Variants in DOCK9 observed in about 807,000 individuals in gnomAD.
DOCK9 encodes dedicator of cytokinesis protein 9.
A neutral mutation model predicts 263.3 loss-of-function variants in DOCK9; 89 were observed. The ratio of observed to expected loss-of-function variants is 0.34; its 90% CI spans 0.28 to 0.40. The LOEUF (loss-of-function observed/expected upper bound fraction) is 0.40, where lower values mean the gene tolerates loss of function less well. Ranked by LOEUF, DOCK9 falls within the 10% of genes least tolerant of loss-of-function variation. The pLI, the probability that DOCK9 is intolerant of heterozygous loss-of-function variation, is 1.00. For missense variants in DOCK9, 2,140 were observed against 2,603.4 expected (o/e 0.82, Z 3.87); for synonymous variants, 976 against 973.1 (o/e 1.00, Z -0.06).
Position 98,824,457 on chromosome 13 carries a change from T to C in DOCK9, c.5071A>G (p.Ile1691Val). The change falls in exon 45 of 53, where the codon ATC becomes GTC. Residue 1691 changes from isoleucine (I) to valine (V), a missense_variant. Ile to Val is a conservative substitution (Grantham distance 29). Coordinates refer to ENST00000682017, the MANE Select transcript of DOCK9 (RefSeq NM_001366683.2). ...TCCATCATGGAGGCCTCCTCGTCGATGTTTGGGGTAATGACCCTGAAGGCG... is the reference window on the plus strand; with the variant it reads ...TCCATCATGGAGGCCTCCTCGTCGACGTTTGGGGTAATGACCCTGAAGGCG... ...CTAFRVITPN[I>V]DEEASMMEDV... is the part of the protein sequence containing the mutation. 1 of 1,613,362 alleles carries C rather than the reference T, an allele frequency of 6.2e-7. No individual in the cohort carries two copies. Among genetic ancestry groups the C allele is most frequent in the African/African-American group, 1.3e-5 (1 of 75,004 alleles).
intron 1 of DOCK9, among the ~76,000 whole-genome samples, chr13:98,988,985 G>A (rs1312219977): frequency 6.6e-6 from 1 of 152,154 alleles, no homozygotes; most frequent in Non-Finnish European, 1.5e-5. Context: ...TGTCTTCAGG[G>A]CTGACACACC....
chr13:99,083,257 A>G (rs1187789124), intron 1 of DOCK9, among the ~76,000 whole-genome samples: 2 of 146,254 alleles, frequency 1.4e-5, no homozygotes, highest in East Asian at 2.0e-4. Context: ...TCCATCTCAG[A>G]AAAAAAAAAA....
upstream of DOCK9, chr13:99,086,773 G>GGCGGGCCAGGCAGT (rs2042357372): frequency 6.8e-6 from 1 of 148,010 alleles, no homozygotes; most frequent in Non-Finnish European, 1.5e-5. Context: ...GGCCAGGCAG[G>GGCGGGCCAGGCAGT]TCGGCGCGGC....
chr13:98,937,979 G>A (rs2055172519), intron 2 of DOCK9, among the ~76,000 whole-genome samples: 1 of 152,236 alleles, frequency 6.6e-6, no homozygotes, highest in South Asian at 2.1e-4. Flanking sequence ...AGCAAGTGGA[G>A]GTACCTGTTT....
chr13:99,020,126 G>T (rs1885905371), intron 1 of DOCK9, among the ~76,000 whole-genome samples: 2 of 152,018 alleles, frequency 1.3e-5, no homozygotes, highest in Admixed American at 6.6e-5. Flanking sequence ...ATTTAAGAAT[G>T]AGGGTGGGGA....
intron 1 of DOCK9, among the ~76,000 whole-genome samples, chr13:99,070,526 G>GT (rs1182250626): frequency 6.6e-6 from 1 of 152,116 alleles, no homozygotes; most frequent in Non-Finnish European, 1.5e-5. Flanking sequence ...GGGTTATATG[G>GT]TATTTCTTTA....
At chr13:98,798,551 T>C (rs1418609147) in intron 50 of DOCK9, among the ~76,000 whole-genome samples, 2 of 152,072 alleles carry the variant, frequency 1.3e-5, no homozygotes, top group Non-Finnish European at 2.9e-5. Flanking sequence ...ACTGATCATC[T>C]AAAATGATAC....
intron 35 of DOCK9, among the ~76,000 whole-genome samples, chr13:98,851,512 A>C (rs960243585): frequency 3.9e-5 from 6 of 152,194 alleles, no homozygotes; most frequent in Non-Finnish European, 7.3e-5. Flanking sequence ...GGCCAGCGGC[A>C]TGGGCAATGA....
intron 33 of DOCK9, chr13:98,857,550 C>T (rs1440762032): frequency 6.6e-6 from 1 of 152,282 alleles, no homozygotes; most frequent in Non-Finnish European, 1.5e-5. Context: ...CTCGGCCTCC[C>T]AAAGTGCTGG....
intron 27 of DOCK9, among the ~76,000 whole-genome samples, chr13:98,876,949 A>C (rs1237317829): frequency 6.6e-6 from 1 of 152,260 alleles, no homozygotes; most frequent in Non-Finnish European, 1.5e-5. Context: ...CCACTTAAGC[A>C]CTTAAAAAAC....
intron 2 of DOCK9, among the ~76,000 whole-genome samples, chr13:98,946,956 GCA>G (rs1488476674): frequency 6.6e-6 from 1 of 152,074 alleles, no homozygotes; most frequent in African/African-American, 2.4e-5. Flanking sequence ...CTAAATGAAG[GCA>G]CTAGCCCAGG....
Position 98,814,935 on chromosome 13 carries a change from C to CAAAATAAAATAAAAT in DOCK9, c.5131-4659_5131-4645dup, listed in dbSNP as rs66599481. Among the ~76,000 whole-genome samples the CAAAATAAAATAAAAT allele has an allele frequency of 2.7e-4, 36 of 131,260 alleles. 1 individual carries two copies. The highest frequency in any genetic ancestry group is 1.0e-3 in the African/African-American group (35 of 33,882). The allele number at this position is 131,260 out of a possible 152,430, so 86.1% of individuals were successfully genotyped here. A position where few individuals can be genotyped will look rare whatever the true frequency, so the allele number is the denominator to read the frequency against. ...CCTGGGTGACAGTCAGATTCTGTCT[C>CAAAATAAAATAAAAT]AAAATAAAATAAAATAAAATAAAAT... On this transcript the variant is annotated intron_variant, in intron 45 of 52. Transcript: ENST00000682017.
intron 1 of DOCK9, among the ~76,000 whole-genome samples, chr13:99,067,386 C>T (rs1048117651): frequency 6.6e-6 from 1 of 152,176 alleles, no homozygotes; most frequent in African/African-American, 2.4e-5. Context: ...CTGCTAAGAT[C>T]CTCAACTAAA....
intron 39 of DOCK9, 134 bp downstream of exon 39, chr13:98,837,360 A>T: frequency 1.6e-6 from 1 of 617,884 alleles, no homozygotes. Context: ...TTAAAGATTA[A>T]TGGTTTCCTT....
intron 27 of DOCK9, 42 bp from the exon 28 acceptor site, chr13:98,868,419 G>T: frequency 6.4e-7 from 1 of 1,559,730 alleles, no homozygotes; most frequent in Non-Finnish European, 8.7e-7. Context: ...TTATTAAGTT[G>T]CAATCATTTG....
intron 1 of DOCK9, among the ~76,000 whole-genome samples, chr13:99,067,152 C>T (rs1192327058): frequency 1.3e-5 from 2 of 152,142 alleles, no homozygotes; most frequent in Non-Finnish European, 2.9e-5. Context: ...CTCCCTGGGT[C>T]CCATCTGTGT....
intron 1 of DOCK9, among the ~76,000 whole-genome samples, chr13:99,033,155 A>T (rs1887523866): frequency 6.6e-6 from 1 of 152,262 alleles, no homozygotes; most frequent in Admixed American, 6.5e-5. Context: ...GAGAACTAAA[A>T]ACTAAAAAGC....
rs777480717 is a variant in DOCK9 at position 98,846,087 on chromosome 13, A to G, written c.4062-27T>C. 5.8e-6 allele frequency: 9 copies of G among 1,554,224 alleles called. No homozygotes were observed. The South Asian group carries it at 8.3e-5, about 14-fold the overall frequency. Reference sequence around the variant, plus strand: ...TGCAACATGAGTGAAATGGGATAGAAGCAAAAGTTAGACGTGTTACACTGC... The same window carrying G: ...TGCAACATGAGTGAAATGGGATAGAGGCAAAAGTTAGACGTGTTACACTGC... On this transcript the variant is annotated intron_variant, in intron 37 of 52. Coordinates refer to ENST00000682017, the MANE Select transcript of DOCK9 (RefSeq NM_001366683.2).
At chr13:98,979,233 A>AGCG (rs1343349373), upstream of DOCK9, among the ~76,000 whole-genome samples, 8 of 122,336 alleles carry the variant, frequency 6.5e-5, no homozygotes, top group East Asian at 2.4e-4. Context: ...TAGTAGTAGC[A>AGCG]GCAGCGGCGG....
Sources: allele counts gnomAD v4.1 joint callset (sites outside exome capture counted in the v4.1 genomes callset), GRCh38; gene constraint gnomAD v4.1.1; transcripts MANE v1.5; gene names NCBI Gene and HGNC (gene_info 2026-07-23, HGNC 2026-07-21).